The following LRP2 variants were observed in gnomAD, a reference collection of about 807,000 sequenced individuals.
The protein encoded by LRP2 is low-density lipoprotein receptor-related protein 2.
Under a neutral mutation model 531.0 loss-of-function variants are expected in LRP2, and 172 were observed. The ratio of observed to expected loss-of-function variants is 0.32; its 90% confidence interval spans 0.29 to 0.37. The LOEUF is 0.37. LRP2 is among the 10% of genes least tolerant of loss of function. LRP2 has a pLI of 1.00. For synonymous variants in LRP2, 1,992 were observed against 2,027.6 expected, an observed-to-expected ratio of 0.98 and a Z score of 0.47; for missense variants, 5,167 against 5,868.3, an observed-to-expected ratio of 0.88 and a Z score of 3.90.
rs768369791 is a variant in LRP2, at chr2:169,292,229, G to A, written c.769+24C>T. ...AAACACTTGAAGAAAATGCTTTTCA[G>A]TAGGAATCTCTTCCCCTCCTTACCA... On this transcript the variant is annotated intron_variant, in intron 7 of 78. Transcript: ENST00000649046. 2.0e-6 allele frequency: 3 copies of A among 1,491,692 alleles called. No individual in the cohort carries two copies. In the South Asian group the frequency reaches 3.4e-5, roughly 17 times the overall value. 92.4% of individuals were successfully genotyped at this position (1,491,692 alleles called of 1,614,324 possible).
intron 61 of LRP2, among the ~76,000 whole-genome samples, chr2:169,166,766 G>A (rs993918456): frequency 7.2e-5 from 11 of 152,206 alleles, no homozygotes; most frequent in African/African-American, 9.7e-5. Context: ...GTAGTCCCCA[G>A]GTCCCCTACT....
At chr2:169,307,979 C>T (rs927105104) in intron 3 of LRP2, among the ~76,000 whole-genome samples, 4 of 152,022 alleles carry the variant, frequency 2.6e-5, no homozygotes, top group Non-Finnish European at 4.4e-5. Context: ...AATTTGCCTC[C>T]GGATAAAACA....
intron 46 of LRP2, among the ~76,000 whole-genome samples, chr2:169,195,828 T>C (rs1422008127): frequency 6.6e-6 from 1 of 152,178 alleles, no homozygotes; most frequent in Admixed American, 6.5e-5. Flanking sequence ...CAAATACCAC[T>C]CTTCAACACA....
At chr2:169,289,481 C>G (rs990269957) in intron 8 of LRP2, among the ~76,000 whole-genome samples, 1 of 151,878 alleles carries the variant, frequency 6.6e-6, no homozygotes, top group Non-Finnish European at 1.5e-5. Flanking sequence ...CACTTGAGCC[C>G]AAAAGATGGA....
chr2:169,154,566 T>C lies in LRP2; in HGVS notation c.12189A>G (p.Arg4063=). The C allele has an allele frequency of 6.2e-7, 1 of 1,613,570 alleles. No homozygotes were observed. Among genetic ancestry groups the C allele is most frequent in the Non-Finnish European group, 8.5e-7 (1 of 1,179,612 alleles). Residue 4063 remains arginine (R), a synonymous_variant, in exon 66 of 79, where the codon CGA becomes CGG. Transcript: ENST00000649046. ...SPLLLLPDNV[R]IRKYNLSSER... is the part of the protein sequence containing the mutation. ...CAGATGAGAGATTATATTTTCGAAT[T>C]CGGACATTGTCAGGCAGTAGCAACA...
intron 37 of LRP2, among the ~76,000 whole-genome samples, chr2:169,210,618 T>C (rs897060220): frequency 6.6e-6 from 1 of 152,182 alleles, no homozygotes; most frequent in African/African-American, 2.4e-5. Flanking sequence ...CTTTAAAACA[T>C]CAATGTCATA....
At position 169,152,904 on chromosome 2, in the gene LRP2, T is replaced by C; in HGVS notation, c.12356A>G (p.Tyr4119Cys). 1 of 1,614,086 alleles carries C rather than the reference T, an allele frequency of 6.2e-7. No homozygotes were observed. Among genetic ancestry groups the C allele is most frequent in the Non-Finnish European group, 8.5e-7 (1 of 1,179,956 alleles). The change falls in exon 67 of 79, where the codon TAC (tyrosine) becomes TGC (cysteine). Residue 4119 changes from tyrosine (Y) to cysteine (C), a missense_variant. Tyr to Cys is a radical substitution (Grantham distance 194, BLOSUM62 -2). Transcript: ENST00000649046. ...GCGGCCGGATTCAAAGTTGGGGATGTAGGCACGTTTGATAGCACCAAACCT... is the reference window on the plus strand; with the variant it reads ...GCGGCCGGATTCAAAGTTGGGGATGCAGGCACGTTTGATAGCACCAAACCT... ...GSRFGAIKRA[Y>C]IPNFESGRNN...
At chr2:169,280,578 G>T in intron 10 of LRP2, 59 bp from the exon 11 acceptor site, 1 of 1,519,168 alleles carries the variant, frequency 6.6e-7, no homozygotes, top group Non-Finnish European at 9.1e-7. Flanking sequence ...TGGTGAAGTA[G>T]CTTACAAATG....
At chr2:169,355,752 A>T (rs1644948462) in intron 1 of LRP2, among the ~76,000 whole-genome samples, 1 of 152,232 alleles carries the variant, frequency 6.6e-6, no homozygotes, top group Admixed American at 6.5e-5. Flanking sequence ...CGGAAAAAAG[A>T]CAAGATTGGC....
intron 14 of LRP2, among the ~76,000 whole-genome samples, chr2:169,273,853 T>A (rs1341456440): frequency 2.0e-5 from 3 of 152,198 alleles, no homozygotes; most frequent in African/African-American, 7.2e-5. Flanking sequence ...AGTGATCACA[T>A]TGATCATTGA....
At chr2:169,167,893 C>G (rs763439545) in intron 61 of LRP2, among the ~76,000 whole-genome samples, 26 of 151,282 alleles carry the variant, frequency 1.7e-4, no homozygotes, top group Non-Finnish European at 3.4e-4. Flanking sequence ...AGGCTTCATT[C>G]TTGGAGATTC....
intron 45 of LRP2, among the ~76,000 whole-genome samples, chr2:169,197,833 C>A (rs1375528177): frequency 6.6e-6 from 1 of 152,204 alleles, no homozygotes; most frequent in Non-Finnish European, 1.5e-5. Context: ...ACAGATTCCT[C>A]TTCCTGTGCT....
rs776339277 is a variant in LRP2, at chr2:169,156,361, T to C, written c.12064A>G (p.Arg4022Gly). The C allele has an allele frequency of 6.2e-7, 1 of 1,613,698 alleles. No homozygotes were observed. Among genetic ancestry groups the C allele is most frequent in the South Asian group, 1.1e-5 (1 of 91,084 alleles). Reference protein sequence around the residue: ...EQFGTCPQHCRNTKGSYECVC... With the variant: ...EQFGTCPQHCGNTKGSYECVC... ...CACTCATAACTTCCTTTGGTATTTC[T>C]GCAGTGCTGGGGACAAGTCCCAAAT... The change falls in exon 65 of 79, where the codon AGA (arginine) becomes GGA (glycine). Residue 4022 changes from arginine to glycine, a missense_variant. By Grantham distance (125) the Arg-to-Gly change is moderately radical (BLOSUM62 -2). Transcript: ENST00000649046.
chr2:169,347,764 A>G (rs1228171906), intron 1 of LRP2, among the ~76,000 whole-genome samples: 3 of 152,162 alleles, frequency 2.0e-5, no homozygotes, highest in Admixed American at 6.5e-5. Context: ...GTCTCTGTCT[A>G]TACTCTGCAG....
rs369228590 is a variant in LRP2, at chr2:169,200,608, TACTAA to T, written c.8452+1015_8452+1019del. Among the ~76,000 whole-genome samples the T allele has an allele frequency of 1.4e-4, 22 of 152,268 alleles. 1 individual carries two copies. In the East Asian group the frequency reaches 1.7e-3, roughly 12 times the overall value. ...ATGAAGATCAAAGAGTTCAATATAATACTAAACTAAACTAAACTAAACAAAAAGTT... is the reference window on the plus strand; with the variant it reads ...ATGAAGATCAAAGAGTTCAATATAATACTAAACTAAACTAAACAAAAAGTT... On this transcript the variant is annotated intron_variant, in intron 44 of 78. Transcript: ENST00000649046.
In LRP2 at chr2:169,257,137, C is replaced by T. The variant is rs1168508633; in HGVS notation, c.2626G>A (p.Ala876Thr). 2 of 1,612,756 alleles carry T rather than the reference C, an allele frequency of 1.2e-6. No homozygotes were observed. The highest frequency in any genetic ancestry group is 1.7e-5 in the Admixed American group (1 of 59,868). Reference protein sequence around the residue: ...NTTLGWPNGLAIDWAASRLYW... With the variant: ...NTTLGWPNGLTIDWAASRLYW... Reference sequence around the variant, plus strand: ...ATTCCTACTTACGCCCAATCGATGGCCAAGCCATTGGGCCATCCAAGAGTA... The same window carrying T: ...ATTCCTACTTACGCCCAATCGATGGTCAAGCCATTGGGCCATCCAAGAGTA... Residue 876 changes from alanine to threonine, a missense_variant, in exon 18 of 79, where the codon GCC becomes ACC. Physicochemically the swap from Ala to Thr is moderately conservative, Grantham distance 58. This residue lies in a region of LRP2 where 2,811 missense variants were observed against 3,058.0 expected (regional missense o/e 0.92). Coordinates refer to ENST00000649046, the MANE Select transcript of LRP2 (RefSeq NM_004525.3).
chr2:169,148,733 G>C (rs1470207336), intron 68 of LRP2, among the ~76,000 whole-genome samples: 1 of 151,772 alleles, frequency 6.6e-6, no homozygotes, highest in Non-Finnish European at 1.5e-5. Context: ...ACACACAAAA[G>C]GTACACAGAA....
intron 70 of LRP2, among the ~76,000 whole-genome samples, chr2:169,144,167 C>G (rs188620924): frequency 2.6e-5 from 4 of 152,190 alleles, no homozygotes; most frequent in Non-Finnish European, 5.9e-5. Context: ...CAGCGGTTCT[C>G]AAAATGTGGT....
At chr2:169,146,018 C>T (rs1685893315) in intron 69 of LRP2, 95 bp from the exon 70 acceptor site, 4 of 1,121,834 alleles carry the variant, frequency 3.6e-6, no homozygotes, top group African/African-American at 3.1e-5. Flanking sequence ...TGTCATTCTG[C>T]TTGAATTATT....
Sources: allele counts gnomAD v4.1 joint callset (sites outside exome capture counted in the v4.1 genomes callset), GRCh38; gene constraint gnomAD v4.1.1; regional missense constraint gnomAD v4.1.1; transcripts MANE v1.5; gene names NCBI Gene and HGNC (gene_info 2026-07-23, HGNC 2026-07-21).